DNER: variants seen among roughly 807,000 people sequenced by gnomAD.
DNER encodes the protein delta and Notch-like epidermal growth factor-related receptor.
A neutral mutation model predicts 78.2 loss-of-function variants in DNER; 33 were observed. The ratio of observed to expected loss-of-function variants is 0.42; its 90% CI spans 0.32 to 0.56. DNER has a LOEUF of 0.56. Ranked by LOEUF, DNER falls within the 20% of genes least tolerant of loss-of-function variation. The probability of loss-of-function intolerance (pLI) is 0.11; values close to 1 mark genes in which losing one functional copy is unlikely to be tolerated. For missense variants in DNER, 918 were observed against 975.3 expected, an observed-to-expected ratio of 0.94 and a Z score of 0.78; for synonymous variants, 417 against 384.8, an observed-to-expected ratio of 1.08 and a Z score of -0.98.
intron 8 of DNER, among the ~76,000 whole-genome samples, chr2:229,437,304 C>T (rs762664933): frequency 6.6e-6 from 1 of 152,172 alleles, no homozygotes; most frequent in Non-Finnish European, 1.5e-5. Context: ...TTCAGGCAAA[C>T]CTAAGAGCTC....
Position 229,422,985 on chromosome 2 carries a change from C to T in DNER, c.1487-4755G>A, listed in dbSNP as rs139972818. ...AGAGGCTCTAATGAGCAAGAATGAC[C>T]ACTGGACTAGAAAATGAGGAGGTCA... On this transcript the variant is annotated intron_variant, in intron 8 of 12. Transcript: ENST00000341772. Among the ~76,000 whole-genome samples, 1,132 of 152,172 alleles carry T rather than the reference C, an allele frequency of 7.4e-3. 5 individuals are homozygous for T. Among genetic ancestry groups the T allele is most frequent in the Non-Finnish European group, 0.011 (769 of 68,000 alleles).
intron 7 of DNER, among the ~76,000 whole-genome samples, chr2:229,476,189 A>T (rs955351138): frequency 6.6e-6 from 1 of 152,092 alleles, no homozygotes; most frequent in Non-Finnish European, 1.5e-5. Flanking sequence ...TGCCCAAGTG[A>T]GCAGGAAGAC....
chr2:229,492,017 TACAC>T (rs1334721599), intron 6 of DNER, among the ~76,000 whole-genome samples: 7 of 151,638 alleles, frequency 4.6e-5, no homozygotes, highest in African/African-American at 1.7e-4. Flanking sequence ...TATGCAAACA[TACAC>T]ACGCATACAC....
At chr2:229,488,579 TAA>T (rs1232629536) in intron 6 of DNER, among the ~76,000 whole-genome samples, 1 of 152,222 alleles carries the variant, frequency 6.6e-6, no homozygotes, top group Admixed American at 6.5e-5. Context: ...AGGAGCTAAG[TAA>T]AGTTGGTGAG....
intron 4 of DNER, among the ~76,000 whole-genome samples, chr2:229,559,552 G>T (rs764828752): frequency 5.3e-5 from 8 of 152,034 alleles, no homozygotes; most frequent in Non-Finnish European, 8.8e-5. Flanking sequence ...GGAGACTTTG[G>T]TCTACCAGAA....
At chr2:229,643,240 A>G (rs182974713) in intron 1 of DNER, among the ~76,000 whole-genome samples, 114 of 152,104 alleles carry the variant, frequency 7.5e-4, no homozygotes, top group Non-Finnish European at 1.3e-3. Context: ...ATAATAAGGA[A>G]TTTGAATAGT....
chr2:229,491,949 T>TCA (rs1695408475), intron 6 of DNER, among the ~76,000 whole-genome samples: 1 of 96,324 alleles, frequency 1.0e-5, no homozygotes, highest in African/African-American at 3.5e-5. Context: ...TTTGCCATGA[T>TCA]TACACACACA....
At chr2:229,607,245 T>A (rs1574925065) in intron 1 of DNER, among the ~76,000 whole-genome samples, 1 of 152,244 alleles carries the variant, frequency 6.6e-6, no homozygotes, top group Non-Finnish European at 1.5e-5. Context: ...TGTCCTGATA[T>A]CTTTGATAAG....
At chr2:229,471,973 C>T (rs1487360041) in intron 7 of DNER, among the ~76,000 whole-genome samples, 1 of 152,142 alleles carries the variant, frequency 6.6e-6, no homozygotes, top group African/African-American at 2.4e-5. Context: ...AGAACGACAC[C>T]AAATCTCCAT....
intron 10 of DNER, among the ~76,000 whole-genome samples, chr2:229,398,610 A>T (rs1273989334): frequency 6.6e-6 from 1 of 152,134 alleles, no homozygotes; most frequent in African/African-American, 2.4e-5. Context: ...GTTTCTCACA[A>T]AACACAAAAT....
chr2:229,684,101 A>G (rs986663181), intron 1 of DNER, among the ~76,000 whole-genome samples: 1 of 129,924 alleles, frequency 7.7e-6, no homozygotes, highest in Non-Finnish European at 1.6e-5. Context: ...TACCTACCAG[A>G]GTGTGTGTGT....
chr2:229,706,202 C>T (rs1019000115), intron 1 of DNER, among the ~76,000 whole-genome samples: 6 of 152,020 alleles, frequency 3.9e-5, no homozygotes, highest in African/African-American at 7.2e-5. Flanking sequence ...CCAATGTTTA[C>T]GGAAATATTT....
chr2:229,643,264 G>A (rs968381563), intron 1 of DNER, among the ~76,000 whole-genome samples: 1 of 152,130 alleles, frequency 6.6e-6, no homozygotes, highest in Non-Finnish European at 1.5e-5. Flanking sequence ...GTGGTCTCAG[G>A]AGGTACTACC....
At chr2:229,367,274 C>A (rs1351285448) in intron 11 of DNER, among the ~76,000 whole-genome samples, 155 bp from the exon 12 acceptor site, 1 of 152,122 alleles carries the variant, frequency 6.6e-6, no homozygotes, top group East Asian at 1.9e-4. Flanking sequence ...GGGTTAATAT[C>A]CTTACTACAT....
chr2:229,422,363 G>A lies in DNER; in HGVS notation c.1487-4133C>T, dbSNP rs148289395. On this transcript the variant is annotated intron_variant, in intron 8 of 12. Transcript: ENST00000341772. ...AATAAAATAAACAATCAAAGGGTGG[G>A]ATCAGAGTGGCCCTTTCCAAGGCAC... 7.4e-3 allele frequency among the ~76,000 whole-genome samples: 1,133 copies of A among 152,314 alleles called. 5 individuals carry two copies. The highest frequency in any genetic ancestry group is 0.011 in the Non-Finnish European group (769 of 68,032).
At chr2:229,553,149 A>T (rs918293709) in intron 4 of DNER, among the ~76,000 whole-genome samples, 2 of 152,200 alleles carry the variant, frequency 1.3e-5, no homozygotes, top group African/African-American at 4.8e-5. Flanking sequence ...GAGCAAAAGG[A>T]ATCTGTACAC....
intron 11 of DNER, among the ~76,000 whole-genome samples, chr2:229,382,283 G>T (rs1692757646): frequency 6.6e-6 from 1 of 152,112 alleles, no homozygotes; most frequent in Admixed American, 6.5e-5. Context: ...AAAGACCAAA[G>T]GTAGATAAAT....
intron 5 of DNER, among the ~76,000 whole-genome samples, chr2:229,518,531 A>G (rs1180615679): frequency 1.2e-4 from 19 of 152,240 alleles, no homozygotes; most frequent in Admixed American, 1.2e-3. Context: ...TTTTATCTCA[A>G]TCAAAGTCTA....
chr2:229,521,258 G>A (rs1696091726), intron 5 of DNER, among the ~76,000 whole-genome samples: 1 of 152,192 alleles, frequency 6.6e-6, no homozygotes. Context: ...TTTACCGACA[G>A]CTTATGTTGC....
Sources: gnomAD v4.1 joint callset for allele counts (sites outside exome capture counted in the v4.1 genomes callset) on GRCh38, gnomAD v4.1.1 for gene constraint, MANE v1.5 for transcripts, NCBI Gene and HGNC (gene_info 2026-07-23, HGNC 2026-07-21) for gene names.